Variants in MBD5 observed in about 807,000 individuals in gnomAD.
MBD5 encodes the protein methyl-CpG-binding domain protein 5.
MBD5 carries 13 observed loss-of-function variants against 117.3 expected under a neutral mutation model. The observed-to-expected ratio is 0.11, with a 90% CI of 0.07 to 0.18. The LOEUF (loss-of-function observed/expected upper bound fraction) is 0.18. Among genes scored for constraint, MBD5 ranks in the 10% least tolerant of loss-of-function variants. The pLI is 1.00. For synonymous variants in MBD5, 727 were observed against 766.4 expected (o/e 0.95, Z 0.85); for missense variants, 1,879 against 2,093.8 (o/e 0.90, Z 2.00).
rs1358935519 is a variant in MBD5, at chr2:148,150,516, G to C, written c.-924-28184G>C. 1.3e-5 allele frequency among the ~76,000 whole-genome samples: 2 copies of C among 152,094 alleles called. 1 individual carries two copies. Among genetic ancestry groups the C allele is most frequent in the Admixed American group, 1.3e-4 (2 of 15,258 alleles). On this transcript the variant is annotated intron_variant, in intron 1 of 13. Transcript: ENST00000642680. ...GCTTGATGGGGATGGCCTTGAATCT[G>C]TAAATTACCTTGGGCAGTATGGCCA...
chr2:148,146,490 G>T (rs927058482), intron 1 of MBD5, among the ~76,000 whole-genome samples: 1 of 152,008 alleles, frequency 6.6e-6, no homozygotes, highest in African/African-American at 2.4e-5. Context: ...ACCTGCCTCA[G>T]CCTCCCAAAG....
At chr2:148,336,136 T>A (rs924039958) in intron 3 of MBD5, among the ~76,000 whole-genome samples, 3 of 152,220 alleles carry the variant, frequency 2.0e-5, no homozygotes, top group African/African-American at 7.2e-5. Flanking sequence ...ACCTATGTCA[T>A]TGAATCCTTC....
chr2:148,350,263 C>T (rs1226296679), intron 4 of MBD5, among the ~76,000 whole-genome samples: 2 of 151,982 alleles, frequency 1.3e-5, no homozygotes, highest in East Asian at 1.9e-4. Flanking sequence ...TTTGAACATC[C>T]GTTCTTCTGC....
At chr2:148,121,194 C>G (rs1696759859) in intron 1 of MBD5, among the ~76,000 whole-genome samples, 1 of 152,056 alleles carries the variant, frequency 6.6e-6, no homozygotes, top group South Asian at 2.1e-4. Flanking sequence ...TAGTGCCTAC[C>G]TCTTAAGGTT....
At chr2:148,338,717 C>G (rs1324221162) in intron 3 of MBD5, among the ~76,000 whole-genome samples, 3 of 152,154 alleles carry the variant, frequency 2.0e-5, no homozygotes, top group Non-Finnish European at 4.4e-5. Flanking sequence ...TGAGTCACCT[C>G]TGAGGATATT....
intron 11 of MBD5, among the ~76,000 whole-genome samples, chr2:148,495,776 A>G (rs1039019086): frequency 6.6e-6 from 1 of 152,250 alleles, no homozygotes; most frequent in Non-Finnish European, 1.5e-5. Context: ...CTCTCTGAAT[A>G]GTCGTTCAAA....
intron 3 of MBD5, among the ~76,000 whole-genome samples, chr2:148,236,956 C>T (rs955533984): frequency 6.6e-6 from 1 of 152,186 alleles, no homozygotes; most frequent in Non-Finnish European, 1.5e-5. Flanking sequence ...TCCTGCTTCA[C>T]TTTGTACTTC....
chr2:148,195,058 A>C (rs541162661), intron 2 of MBD5, among the ~76,000 whole-genome samples: 11 of 152,208 alleles, frequency 7.2e-5, no homozygotes, highest in Non-Finnish European at 1.5e-4. Context: ...TCAAAATGTA[A>C]ACAAGTAGGT....
intron 3 of MBD5, among the ~76,000 whole-genome samples, chr2:148,327,473 G>A (rs1302035733): frequency 6.6e-6 from 1 of 152,076 alleles, no homozygotes; most frequent in African/African-American, 2.4e-5. Flanking sequence ...TCACTTTCAG[G>A]TACACCAGTC....
chr2:148,229,362 T>C (rs1699926650), intron 2 of MBD5, among the ~76,000 whole-genome samples: 1 of 152,186 alleles, frequency 6.6e-6, no homozygotes, highest in South Asian at 2.1e-4. Flanking sequence ...AATCTCTTTG[T>C]TAAGCTAATC....
chr2:148,357,555 T>G (rs1703417074), intron 4 of MBD5, among the ~76,000 whole-genome samples: 1 of 152,058 alleles, frequency 6.6e-6, no homozygotes, highest in Admixed American at 6.6e-5. Context: ...GTGGGTACTC[T>G]CTTCTGAGGA....
chr2:148,256,527 C>T (rs556638325), intron 3 of MBD5, among the ~76,000 whole-genome samples: 18 of 152,330 alleles, frequency 1.2e-4, no homozygotes, highest in Non-Finnish European at 2.4e-4. Context: ...CAAAGTTAAG[C>T]CTTGGTAGAC....
At chr2:148,141,188 G>A (rs953617845) in intron 1 of MBD5, among the ~76,000 whole-genome samples, 3 of 152,164 alleles carry the variant, frequency 2.0e-5, no homozygotes. Flanking sequence ...ATTGCTGTGG[G>A]TTTTGGAAAA....
At chr2:148,091,876 C>T (rs1233466598) in intron 1 of MBD5, among the ~76,000 whole-genome samples, 1 of 152,130 alleles carries the variant, frequency 6.6e-6, no homozygotes, top group Non-Finnish European at 1.5e-5. Context: ...AGTAAACAGA[C>T]AACCCAAGAG....
At chr2:148,148,514 G>C (rs1335756867) in intron 1 of MBD5, among the ~76,000 whole-genome samples, 2 of 152,144 alleles carry the variant, frequency 1.3e-5, no homozygotes, top group African/African-American at 4.8e-5. Flanking sequence ...AGGTGATTTT[G>C]ACAATGTTTG....
chr2:148,031,600 T>C (rs1011874289), intron 1 of MBD5, among the ~76,000 whole-genome samples: 15 of 152,130 alleles, frequency 9.9e-5, no homozygotes, highest in African/African-American at 3.6e-4. Context: ...CTTTTATGGT[T>C]CTAAAATTTT....
chr2:148,367,772 A>C (rs1703743661), intron 4 of MBD5, among the ~76,000 whole-genome samples: 1 of 152,218 alleles, frequency 6.6e-6, no homozygotes. Flanking sequence ...TTAAAACCAC[A>C]ATGAGATAGC....
chr2:148,384,799 G>A (rs28749771), intron 4 of MBD5, among the ~76,000 whole-genome samples: 94 of 151,966 alleles, frequency 6.2e-4, no homozygotes, highest in African/African-American at 9.7e-4. Flanking sequence ...GCCCTCAGAA[G>A]TAATGCCACA....
chr2:148,207,213 T>C (rs1310425507), intron 2 of MBD5, among the ~76,000 whole-genome samples: 2 of 152,146 alleles, frequency 1.3e-5, no homozygotes, highest in Non-Finnish European at 2.9e-5. Flanking sequence ...TAGCATTATC[T>C]TGAGCATATA....
Sources: gnomAD v4.1 joint callset for allele counts (sites outside exome capture counted in the v4.1 genomes callset) on GRCh38, gnomAD v4.1.1 for gene constraint, MANE v1.5 for transcripts, NCBI Gene and HGNC (gene_info 2026-07-23, HGNC 2026-07-21) for gene names.